The following RPS6KA2 variants were observed in gnomAD, a reference collection of about 807,000 sequenced individuals.
RPS6KA2 encodes the protein ribosomal protein S6 kinase A2.
A neutral mutation model predicts 91.8 loss-of-function variants in RPS6KA2; 42 were observed. The ratio of observed to expected loss-of-function variants is 0.46; its 90% CI spans 0.36 to 0.59. The LOEUF (loss-of-function observed/expected upper bound fraction) is 0.59, where lower values mean the gene tolerates loss of function less well. Ranked by LOEUF, RPS6KA2 falls within the 20% of genes least tolerant of loss-of-function variation. The pLI, the probability that RPS6KA2 is intolerant of heterozygous loss-of-function variation, is 0.00. For synonymous variants in RPS6KA2, 414 were observed against 393.6 expected (o/e 1.05, Z -0.61); for missense variants, 798 against 978.5 (o/e 0.82, Z 2.46).
chr6:166,790,467 A>C (rs1443054518), intron 2 of RPS6KA2, among the ~76,000 whole-genome samples: 1 of 152,168 alleles, frequency 6.6e-6, no homozygotes, highest in African/African-American at 2.4e-5. Context: ...GAACTTCCCC[A>C]ATCTAGCAAG....
intron 2 of RPS6KA2, among the ~76,000 whole-genome samples, chr6:166,774,945 C>G (rs2128608116): frequency 6.6e-6 from 1 of 152,014 alleles, no homozygotes; most frequent in Middle Eastern, 3.4e-3. Flanking sequence ...CGTCTTCCAG[C>G]TTTTAGGGTT....
intron 8 of RPS6KA2, among the ~76,000 whole-genome samples, chr6:166,492,122 TTAA>T (rs1168520181): frequency 2.6e-5 from 4 of 152,166 alleles, no homozygotes; most frequent in Non-Finnish European, 5.9e-5. Flanking sequence ...TAAGGTTTTA[TTAA>T]TATTACCAGT....
At chr6:166,631,816 C>T (rs923274142), upstream of RPS6KA2, among the ~76,000 whole-genome samples, 24 of 152,284 alleles carry the variant, frequency 1.6e-4, no homozygotes, top group East Asian at 2.9e-3. Context: ...ATAGACACAG[C>T]GGAGCAGAGA....
intron 1 of RPS6KA2, among the ~76,000 whole-genome samples, chr6:166,578,682 T>G (rs1026864491): frequency 2.0e-5 from 3 of 152,208 alleles, no homozygotes; most frequent in African/African-American, 7.2e-5. Flanking sequence ...GATCCTCAGG[T>G]GACAGCAGTG....
intron 2 of RPS6KA2, among the ~76,000 whole-genome samples, chr6:166,776,691 C>T (rs1345719679): frequency 6.6e-6 from 1 of 152,214 alleles, no homozygotes; most frequent in Non-Finnish European, 1.5e-5. Context: ...GCTTCTTTTG[C>T]TCTGCATGAT....
At chr6:166,680,461 G>A (rs148255541) in intron 2 of RPS6KA2, among the ~76,000 whole-genome samples, 154 of 152,258 alleles carry the variant, frequency 1.0e-3, no homozygotes, top group African/African-American at 3.6e-3. Flanking sequence ...TCCACGTTGT[G>A]GAAGGTTTGT....
intron 1 of RPS6KA2, among the ~76,000 whole-genome samples, chr6:166,614,224 T>C (rs1786313384): frequency 6.6e-6 from 1 of 152,258 alleles, no homozygotes; most frequent in African/African-American, 2.4e-5. Flanking sequence ...CATTTTTCTA[T>C]GTAGACTTGA....
At chr6:166,847,103 C>G (rs1261987902) in intron 2 of RPS6KA2, among the ~76,000 whole-genome samples, 2 of 152,044 alleles carry the variant, frequency 1.3e-5, no homozygotes, top group Non-Finnish European at 2.9e-5. Flanking sequence ...ATCAATAGCT[C>G]TGCTACACAC....
chr6:166,773,881 T>G (rs1181021707), intron 2 of RPS6KA2, among the ~76,000 whole-genome samples: 2 of 152,236 alleles, frequency 1.3e-5, no homozygotes, highest in Non-Finnish European at 2.9e-5. Context: ...TCCAGGGGTA[T>G]TCCGTGAAGA....
intron 10 of RPS6KA2, among the ~76,000 whole-genome samples, chr6:166,483,754 C>T (rs1012526051): frequency 6.6e-6 from 1 of 152,144 alleles, no homozygotes; most frequent in Admixed American, 6.5e-5. Context: ...TCTGGCTGGT[C>T]GGGTGCCAAC....
intron 1 of RPS6KA2, chr6:166,858,359 C>G (rs1191976592): frequency 2.9e-6 from 2 of 684,196 alleles, no homozygotes; most frequent in Non-Finnish European, 5.3e-6. Flanking sequence ...ACTAAATATC[C>G]CGCATGATTT....
rs1782363333 is a variant in RPS6KA2 at position 166,508,911 on chromosome 6, GCCT to G, written c.380-632_380-630del. Among the ~76,000 whole-genome samples, 1 of 152,200 alleles carries G rather than the reference GCCT, an allele frequency of 6.6e-6. No individual in the cohort carries two copies. The highest frequency in any genetic ancestry group is 2.4e-5 in the African/African-American group (1 of 41,456). On this transcript the variant is annotated intron_variant, in intron 4 of 20. Transcript: ENST00000265678. This position sits in a 1 kb window ranked among gnomAD's most constrained non-coding sequence, Gnocchi z 4.3. ...TCCTGCCCACACTCAGCAAGGGCCT[GCCT>G]CTGTTGAGCGGGCGCATGAGCACGG... is the stretch of plus-strand genomic sequence containing the variant.
chr6:166,483,433 C>T (rs1206804042), intron 10 of RPS6KA2, among the ~76,000 whole-genome samples: 2 of 152,174 alleles, frequency 1.3e-5, no homozygotes, highest in Non-Finnish European at 2.9e-5. Context: ...ACCAGAGAAT[C>T]CACCGCTTCT....
chr6:166,461,621 GC>G (rs1376891905), intron 11 of RPS6KA2, among the ~76,000 whole-genome samples: 1 of 148,038 alleles, frequency 6.8e-6, no homozygotes, highest in Non-Finnish European at 1.5e-5. Flanking sequence ...AAGAGAGAGA[GC>G]ACGCACTAGC....
At chr6:166,851,965 A>T (rs1233302805) in intron 2 of RPS6KA2, among the ~76,000 whole-genome samples, 1 of 152,178 alleles carries the variant, frequency 6.6e-6, no homozygotes, top group Non-Finnish European at 1.5e-5. Context: ...TCTTTACAAA[A>T]TCATACGTTT....
chr6:166,498,585 C>T lies in RPS6KA2; in HGVS notation c.670G>A (p.Glu224Lys), dbSNP rs762918941. 1.2e-6 allele frequency: 2 copies of T among 1,613,890 alleles called. No individual in the cohort carries two copies. Among genetic ancestry groups the T allele is most frequent in the East Asian group, 2.2e-5 (1 of 44,878 alleles). The change falls in exon 8 of 21, where the codon GAG (glutamate) becomes AAG (lysine). Residue 224 changes from glutamate (E) to lysine (K), a missense_variant. Coordinates refer to ENST00000265678, the MANE Select transcript of RPS6KA2 (RefSeq NM_021135.6). Reference sequence around the variant, plus strand: ...TTCACCACCTCGGGCGCCATGTACTCGATCGTCCCGCAGAAGGAGTACGCT... The same window carrying T: ...TTCACCACCTCGGGCGCCATGTACTTGATCGTCCCGCAGAAGGAGTACGCT... The part of the protein sequence containing the change: ...KRAYSFCGTI[E>K]YMAPEVVNRR...
chr6:166,804,285 T>TA (rs1779438523), intron 2 of RPS6KA2, among the ~76,000 whole-genome samples: 1 of 150,268 alleles, frequency 6.7e-6, no homozygotes, highest in African/African-American at 2.4e-5. Flanking sequence ...GTAGGCATTA[T>TA]ATAGAGCATT....
chr6:166,829,637 A>G (rs1430850088), intron 2 of RPS6KA2, among the ~76,000 whole-genome samples: 1 of 150,950 alleles, frequency 6.6e-6, no homozygotes, highest in Non-Finnish European at 1.5e-5. Context: ...TGGTCCATCA[A>G]TTCCCCTGCT....
chr6:166,702,017 A>G, intron 2 of RPS6KA2: 2 of 1,045,670 alleles, frequency 1.9e-6, no homozygotes, highest in East Asian at 2.4e-5. Context: ...TGTGAATTTT[A>G]CATCTTGAGT....
Sources: gnomAD v4.1 joint callset for allele counts (sites outside exome capture counted in the v4.1 genomes callset) on GRCh38, gnomAD v4.1.1 for gene constraint, Gnocchi (gnomAD v3.1) non-coding constraint, MANE v1.5 for transcripts, NCBI Gene and HGNC (gene_info 2026-07-23, HGNC 2026-07-21) for gene names.